Variants in PCDHA8 observed in about 807,000 individuals in gnomAD.
PCDHA8 encodes the protein protocadherin alpha-8.
Under a neutral mutation model 61.8 loss-of-function variants are expected in PCDHA8, and 53 were observed. That is an observed-to-expected ratio of 0.86 (90% CI 0.69 to 1.08). The LOEUF (loss-of-function observed/expected upper bound fraction) is 1.08. Among genes scored for constraint, PCDHA8 ranks in the 50% least tolerant of loss-of-function variants. The pLI, the probability that PCDHA8 is intolerant of heterozygous loss-of-function variation, is 0.00. For missense variants in PCDHA8, 1,293 were observed against 1,245.0 expected (o/e 1.04, Z -0.58); for synonymous variants, 618 against 556.6 (o/e 1.11, Z -1.55).
In PCDHA8 at chr5:140,883,118, C is replaced by G. The variant is rs370331206; in HGVS notation, c.2394+39403C>G. ...AGATATAGTTTACTCATTTAGAAGG[C>G]CTGTATGGCCTGCAGTGGTATATGC... On this transcript the variant is annotated intron_variant, in intron 1 of 3. Coordinates refer to ENST00000531613, the MANE Select transcript of PCDHA8 (RefSeq NM_018911.3). The G allele has an allele frequency of 8.7e-6, 14 of 1,613,882 alleles. No individual in the cohort carries two copies. Among genetic ancestry groups the G allele is most frequent in the Non-Finnish European group, 1.2e-5 (14 of 1,180,016 alleles).
Position 140,985,739 on chromosome 5 carries a change from C to CTT in PCDHA8, c.2542+3195_2542+3196dup, listed in dbSNP as rs11372071. 6.5e-3 allele frequency among the ~76,000 whole-genome samples: 761 copies of CTT among 117,902 alleles called. 21 individuals carry two copies. The highest frequency in any genetic ancestry group is 0.054 in the East Asian group (218 of 4,012). The allele number at this position is 117,902 out of a possible 152,430, so 77.3% of individuals were successfully genotyped here. On this transcript the variant is annotated intron_variant, in intron 3 of 3. Transcript: ENST00000531613. ...TTATTTTTCCTTCACTGATGAATTC[C>CTT]TTTTTTTTTTTTTTTTTTTTGAGAC...
Position 140,871,165 on chromosome 5 carries a change from C to A in PCDHA8, c.2394+27450C>A, listed in dbSNP as rs1044550712. 1.4e-5 allele frequency: 22 copies of A among 1,613,372 alleles called. No individual in the cohort carries two copies. Among genetic ancestry groups the A allele is most frequent in the Non-Finnish European group, 1.7e-5 (20 of 1,179,938 alleles). On this transcript the variant is annotated intron_variant, in intron 1 of 3. Transcript: ENST00000531613. ...CCGGACTTTGGCGGGCGCCGCGAGCCCAGAGGCTGCGCTGGTGGATGTCAA... is the reference window on the plus strand; with the variant it reads ...CCGGACTTTGGCGGGCGCCGCGAGCACAGAGGCTGCGCTGGTGGATGTCAA...
chr5:140,942,518 G>A (rs2093312014), intron 1 of PCDHA8, among the ~76,000 whole-genome samples: 1 of 151,908 alleles, frequency 6.6e-6, no homozygotes, highest in Non-Finnish European at 1.5e-5. Flanking sequence ...ACTCAGAGGG[G>A]AAGCAACTAA....
chr5:140,929,437 A>G (rs533186503), intron 1 of PCDHA8: 1 of 1,453,986 alleles, frequency 6.9e-7, no homozygotes, highest in Non-Finnish European at 9.2e-7. Context: ...TGAACTAAAC[A>G]CTCCTTCTTA....
chr5:140,905,995 G>C (rs2072280853), intron 1 of PCDHA8, among the ~76,000 whole-genome samples: 1 of 152,114 alleles, frequency 6.6e-6, no homozygotes. Context: ...ATGTAGGCTG[G>C]GAGGCTAAGC....
intron 1 of PCDHA8, among the ~76,000 whole-genome samples, chr5:140,975,052 T>C (rs2096651440): frequency 6.6e-6 from 1 of 152,206 alleles, no homozygotes; most frequent in South Asian, 2.1e-4. Context: ...AGGAAGAATC[T>C]ACTATCGAGC....
chr5:140,969,391 A>G, intron 1 of PCDHA8: 2 of 1,592,664 alleles, frequency 1.3e-6, no homozygotes, highest in South Asian at 2.3e-5. Flanking sequence ...ATCCCCCAAT[A>G]TCCTGTGATT....
intron 1 of PCDHA8, among the ~76,000 whole-genome samples, chr5:140,964,743 T>C (rs1373954630): frequency 6.7e-6 from 1 of 150,048 alleles, no homozygotes; most frequent in Non-Finnish European, 1.5e-5. Flanking sequence ...ACAGAATTAT[T>C]GTAGGGATGT....
At chr5:140,851,158 C>A in intron 1 of PCDHA8, 1 of 1,299,046 alleles carries the variant, frequency 7.7e-7, no homozygotes, top group Non-Finnish European at 9.9e-7. Flanking sequence ...ATTTCTGATG[C>A]TATGCTGCCA....
At position 140,983,206 on chromosome 5, in the gene PCDHA8, C is replaced by G. The variant is rs184479967; in HGVS notation, c.2542+643C>G. 1.8e-3 allele frequency among the ~76,000 whole-genome samples: 271 copies of G among 152,316 alleles called. 2 individuals are homozygous for G. Among genetic ancestry groups the G allele is most frequent in the South Asian group, 2.5e-3 (12 of 4,822 alleles). On this transcript the variant is annotated intron_variant, in intron 3 of 3. Transcript: ENST00000531613. ...TCTTAGTTTAGAGGGATAATAGGGA[C>G]TATTTCCTAATCCAAACTTTCAGGA...
At chr5:140,918,639 TGA>T (rs1554198713) in intron 1 of PCDHA8, among the ~76,000 whole-genome samples, 1 of 152,224 alleles carries the variant, frequency 6.6e-6, no homozygotes, top group East Asian at 1.9e-4. Context: ...ATTCATAAAT[TGA>T]AACCTAATTC....
rs782310474 is a variant in PCDHA8 at position 140,858,120 on chromosome 5, T to C, written c.2394+14405T>C. 9 of 1,597,738 alleles carry C rather than the reference T, an allele frequency of 5.6e-6. 1 individual carries two copies. In the Admixed American group the frequency reaches 1.5e-4, roughly 27 times the overall value. ...GTGGGCGTGGCGCCCGAGGTGGCCC[T>C]GGTGGATGTCAACGTGTACCTGATC... On this transcript the variant is annotated intron_variant, in intron 1 of 3. Coordinates refer to ENST00000531613, the MANE Select transcript of PCDHA8 (RefSeq NM_018911.3).
At position 140,990,539 on chromosome 5, in the gene PCDHA8, A is replaced by G. The variant is rs2097398985; in HGVS notation, c.2542+7976A>G. ...TGTCTTTTTTGACTGTGCATCATAG[A>G]TACTGTATTACCCAAGAACACACAC... is the stretch of plus-strand genomic sequence containing the variant. On this transcript the variant is annotated intron_variant, in intron 3 of 3. Transcript: ENST00000531613. Among the ~76,000 whole-genome samples the G allele has an allele frequency of 2.6e-5, 4 of 152,262 alleles. No homozygotes were observed. In the South Asian group the frequency reaches 6.2e-4, roughly 24 times the overall value.
rs1212055845 is a variant in PCDHA8 at position 140,857,419 on chromosome 5, C to T, written c.2394+13704C>T. On this transcript the variant is annotated intron_variant, in intron 1 of 3. Coordinates refer to ENST00000531613, the MANE Select transcript of PCDHA8 (RefSeq NM_018911.3). ...ACAACGCGCCTGCGTTCGCGCAGTC[C>T]GAGTACACGGTGTTCGTGAAGGAGA... The T allele has an allele frequency of 3.1e-6, 5 of 1,598,216 alleles. 1 individual carries two copies. The African/African-American group carries it at 6.7e-5, about 22-fold the overall frequency.
chr5:140,853,422 G>A, intron 1 of PCDHA8: 8 of 986,108 alleles, frequency 8.1e-6, no homozygotes, highest in Non-Finnish European at 9.8e-6. Flanking sequence ...GAAAGCAGAA[G>A]AGACACTTTC....
intron 1 of PCDHA8, chr5:140,857,655 C>A: frequency 1.3e-6 from 2 of 1,596,728 alleles, no homozygotes; most frequent in East Asian, 2.2e-5. Context: ...CAGGTGAGCG[C>A]GCGCGATGGG....
At chr5:140,884,175 C>T in intron 1 of PCDHA8, 1 of 1,613,438 alleles carries the variant, frequency 6.2e-7, no homozygotes, top group Non-Finnish European at 8.5e-7. Context: ...ACGACGCGCC[C>T]TCTGGACGAG....
At chr5:140,874,154 C>A (rs1554167062) in intron 1 of PCDHA8, among the ~76,000 whole-genome samples, 1 of 152,102 alleles carries the variant, frequency 6.6e-6, no homozygotes, top group African/African-American at 2.4e-5. Flanking sequence ...TAGAGCCATT[C>A]TTGGTTACTC....
rs782180138 is a variant in PCDHA8, at chr5:140,856,292, A to G, written c.2394+12577A>G. 5 of 1,598,490 alleles carry G rather than the reference A, an allele frequency of 3.1e-6. 1 individual carries two copies. The stretch of plus-strand genomic sequence containing the variant: ...TCTGGAGGTAAATCTGCAGAATGGC[A>G]TTTTGTTTGTGAATTCTCGGATTGA... On this transcript the variant is annotated intron_variant, in intron 1 of 3. Transcript: ENST00000531613.
Sources: gnomAD v4.1 joint callset for allele counts (sites outside exome capture counted in the v4.1 genomes callset) on GRCh38, gnomAD v4.1.1 for gene constraint, MANE v1.5 for transcripts, NCBI Gene and HGNC (gene_info 2026-07-23, HGNC 2026-07-21) for gene names.